The following CACNA1D variants were observed in gnomAD, a reference collection of about 807,000 sequenced individuals.
CACNA1D encodes calcium voltage-gated channel subunit alpha1 D.
A neutral mutation model predicts 257.1 loss-of-function variants in CACNA1D; 55 were observed. The observed-to-expected ratio is 0.21, with a 90% CI of 0.17 to 0.27. The LOEUF is 0.27. Ranked by LOEUF, CACNA1D falls within the 10% of genes least tolerant of loss-of-function variation. CACNA1D has a pLI of 1.00. For missense variants in CACNA1D, 1,876 were observed against 2,784.0 expected, an observed-to-expected ratio of 0.67 and a Z score of 7.34; for synonymous variants, 980 against 1,014.9, an observed-to-expected ratio of 0.97 and a Z score of 0.65.
intron 3 of CACNA1D, among the ~76,000 whole-genome samples, chr3:53,590,405 C>A (rs1412396212): frequency 6.6e-6 from 1 of 152,192 alleles, no homozygotes; most frequent in Non-Finnish European, 1.5e-5. Context: ...TGTTTGTGTG[C>A]TTATCTGTTC....
intron 3 of CACNA1D, among the ~76,000 whole-genome samples, chr3:53,524,319 G>A (rs976005604): frequency 5.3e-5 from 8 of 152,202 alleles, no homozygotes; most frequent in African/African-American, 1.4e-4. Context: ...AAGGAATTCC[G>A]TGCCATAAAC....
At chr3:53,741,181 C>T (rs1576521829) in intron 21 of CACNA1D, among the ~76,000 whole-genome samples, 1 of 152,156 alleles carries the variant, frequency 6.6e-6, no homozygotes, top group East Asian at 1.9e-4. Context: ...AAGAACCTAT[C>T]CAAAACTGGC....
At chr3:53,736,042 A>G (rs928503794) in intron 20 of CACNA1D, among the ~76,000 whole-genome samples, 8 of 152,222 alleles carry the variant, frequency 5.3e-5, no homozygotes, top group Admixed American at 3.9e-4. Context: ...TGAGGTGTTC[A>G]GTGGAGAAGA....
chr3:53,670,859 G>C (rs1171043961), intron 7 of CACNA1D, among the ~76,000 whole-genome samples: 1 of 152,196 alleles, frequency 6.6e-6, no homozygotes, highest in Non-Finnish European at 1.5e-5. Context: ...TTTGGGAACA[G>C]CTTGCATGTT....
At chr3:53,514,993 G>A (rs887445784) in intron 3 of CACNA1D, among the ~76,000 whole-genome samples, 8 of 152,168 alleles carry the variant, frequency 5.3e-5, no homozygotes, top group African/African-American at 1.9e-4. Context: ...CCATAGGAGG[G>A]CCTAGACCTG....
At chr3:53,601,266 C>T (rs1032326400) in intron 3 of CACNA1D, among the ~76,000 whole-genome samples, 8 of 152,172 alleles carry the variant, frequency 5.3e-5, no homozygotes, top group Admixed American at 5.2e-4. Flanking sequence ...AGCTTTGCTT[C>T]CTGTCATATG....
intron 3 of CACNA1D, among the ~76,000 whole-genome samples, chr3:53,523,468 AG>A (rs1346077909): frequency 6.6e-6 from 1 of 152,266 alleles, no homozygotes; most frequent in Non-Finnish European, 1.5e-5. Flanking sequence ...GACATGAGAA[AG>A]GATTGACCAA....
At chr3:53,688,538 T>C (rs571782896) in intron 8 of CACNA1D, among the ~76,000 whole-genome samples, 85 of 152,232 alleles carry the variant, frequency 5.6e-4, no homozygotes, top group African/African-American at 2.0e-3. Context: ...CCTTTCCAAG[T>C]ATGTGGGAGC....
chr3:53,724,021 C>A, intron 14 of CACNA1D, 22 bp downstream of exon 14: 2 of 1,592,420 alleles, frequency 1.3e-6, no homozygotes, highest in South Asian at 1.1e-5. Context: ...CTCCATTCCC[C>A]GAAAAGCACT....
At chr3:53,681,912 G>C (rs2094433218) in intron 8 of CACNA1D, among the ~76,000 whole-genome samples, 1 of 150,454 alleles carries the variant, frequency 6.6e-6, no homozygotes, top group South Asian at 2.1e-4. Context: ...AGGAGGTACA[G>C]TAGGAAGGAG....
At chr3:53,565,647 G>T (rs1320338424) in intron 3 of CACNA1D, among the ~76,000 whole-genome samples, 3 of 152,154 alleles carry the variant, frequency 2.0e-5, no homozygotes, top group Admixed American at 2.0e-4. Context: ...ACTTCAAAAG[G>T]CATGTGGAAC....
At chr3:53,709,229 C>A (rs1465108572) in intron 9 of CACNA1D, among the ~76,000 whole-genome samples, 3 of 152,198 alleles carry the variant, frequency 2.0e-5, no homozygotes, top group African/African-American at 7.2e-5. Context: ...GTGTGTGAGA[C>A]ACTGTTCCAA....
intron 3 of CACNA1D, among the ~76,000 whole-genome samples, chr3:53,520,874 CTTTCTTTCTTTCTTTCTTTCTTTTCT>C (rs1340924654): frequency 2.1e-3 from 169 of 81,970 alleles, no homozygotes; most frequent in African/African-American, 4.7e-3. Flanking sequence ...TTCTTTCTTT[CTTTCTTTCTTTCTTTCTTTCTTTTCT>C]TTTCTTTTCT....
At chr3:53,666,702 G>A (rs188419044) in intron 7 of CACNA1D, among the ~76,000 whole-genome samples, 167 bp downstream of exon 7, 2 of 152,282 alleles carry the variant, frequency 1.3e-5, no homozygotes, top group Non-Finnish European at 2.9e-5. Flanking sequence ...CCTGCTCCTC[G>A]AGGGCCTTAG....
chr3:53,803,535 G>A lies in CACNA1D; in HGVS notation c.5548G>A (p.Glu1850Lys), dbSNP rs2095546835. 1.3e-5 allele frequency: 21 copies of A among 1,614,074 alleles called. No homozygotes were observed. Among genetic ancestry groups the A allele is most frequent in the Non-Finnish European group, 1.7e-5 (20 of 1,180,016 alleles). Residue 1850 changes from glutamate to lysine, a missense_variant, in exon 44 of 48, where the codon GAA (glutamate) becomes AAA (lysine). Around this residue, in one of 10 missense-constraint regions of CACNA1D, gnomAD observed 491 missense variants for 554.3 expected, o/e 0.89. Coordinates refer to ENST00000350061, the MANE Select transcript of CACNA1D (RefSeq NM_001128840.3). ...GGAGCAGGAGTATTTCAGTAGTGAG[G>A]AATGCTACGAGGATGACAGCTCGCC... ...LGEQEYFSSE[E>K]CYEDDSSPTW...
At chr3:53,806,170 CT>C (rs1381417689) in intron 45 of CACNA1D, among the ~76,000 whole-genome samples, 1 of 104,126 alleles carries the variant, frequency 9.6e-6, no homozygotes, top group Non-Finnish European at 2.2e-5. Flanking sequence ...TTCCCTCCCC[CT>C]CTCCTCCCTC....
Position 53,526,041 on chromosome 3 carries a change from G to T in CACNA1D, c.483+24321G>T, listed in dbSNP as rs116874462. The stretch of plus-strand genomic sequence containing the variant: ...CAGGATGGCTGCCAACAGTTTCTAG[G>T]CCTACGCCTTTCCACCTTCCAGCAA... On this transcript the variant is annotated intron_variant, in intron 3 of 47. Transcript: ENST00000350061. 6.2e-3 allele frequency among the ~76,000 whole-genome samples: 939 copies of T among 152,298 alleles called. 41 individuals carry two copies. Among genetic ancestry groups the T allele is most frequent in the Admixed American group, 0.056 (860 of 15,292 alleles).
chr3:53,787,031 T>G (rs1355327454), intron 40 of CACNA1D, 79 bp downstream of exon 40: 1 of 1,464,382 alleles, frequency 6.8e-7, no homozygotes, highest in Non-Finnish European at 9.5e-7. Context: ...GAGCTGCCTA[T>G]TCATGGTTGA....
At chr3:53,500,158 G>A (rs1260461554) in intron 2 of CACNA1D, among the ~76,000 whole-genome samples, 1 of 149,828 alleles carries the variant, frequency 6.7e-6, no homozygotes, top group African/African-American at 2.5e-5. Flanking sequence ...TTGGGAGGCT[G>A]AGGTGAGCAG....
Sources: allele counts gnomAD v4.1 joint callset (sites outside exome capture counted in the v4.1 genomes callset), GRCh38; gene constraint gnomAD v4.1.1; regional missense constraint gnomAD v4.1.1; transcripts MANE v1.5; gene names NCBI Gene and HGNC (gene_info 2026-07-23, HGNC 2026-07-21).